The following TSHZ3 variants were observed in gnomAD, a reference collection of about 807,000 sequenced individuals.
The protein encoded by TSHZ3 is teashirt homolog 3.
Under a neutral mutation model 64.5 loss-of-function variants are expected in TSHZ3, and 10 were observed. The observed-to-expected ratio is 0.16, with a 90% CI of 0.10 to 0.26. The LOEUF is 0.26. TSHZ3 is among the 10% of genes least tolerant of loss of function. The pLI is 1.00. For missense variants in TSHZ3, 1,242 were observed against 1,421.7 expected, an observed-to-expected ratio of 0.87 and a Z score of 2.03; for synonymous variants, 608 against 593.1, an observed-to-expected ratio of 1.03 and a Z score of -0.36.
At chr19:31,314,519 T>C (rs1793855110) in intron 1 of TSHZ3, among the ~76,000 whole-genome samples, 3 of 152,330 alleles carry the variant, frequency 2.0e-5, no homozygotes, top group African/African-American at 4.8e-5. Context: ...GTGAATCATT[T>C]CTAATGACAG....
chr19:31,312,278 A>C (rs1378963494), intron 1 of TSHZ3, among the ~76,000 whole-genome samples: 1 of 152,262 alleles, frequency 6.6e-6, no homozygotes, highest in Non-Finnish European at 1.5e-5. Flanking sequence ...GCACAGAACC[A>C]CAAAAGAAGG....
rs140777504 is a variant in TSHZ3 at position 31,243,510 on chromosome 19, G to T, written n.64-635C>A. On this transcript the variant is annotated intron_variant and non_coding_transcript_variant, in intron 1 of 6. Coordinates refer to the TSHZ3 transcript ENST00000651361. Reference sequence around the variant, plus strand: ...TGCATGGTATCCTATATCATATAATGCCCTGAACTTTCCCGTGTCAGAGGG... The same window carrying T: ...TGCATGGTATCCTATATCATATAATTCCCTGAACTTTCCCGTGTCAGAGGG... 5.7e-3 allele frequency among the ~76,000 whole-genome samples: 862 copies of T among 152,258 alleles called. 5 individuals carry two copies. Among genetic ancestry groups the T allele is most frequent in the Non-Finnish European group, 9.9e-3 (674 of 68,022 alleles).
chr19:31,257,715 C>T (rs994271569), intron 1 of TSHZ3, among the ~76,000 whole-genome samples: 2 of 152,184 alleles, frequency 1.3e-5, no homozygotes, highest in African/African-American at 2.4e-5. Flanking sequence ...GGGGAAGACG[C>T]GAGGGGCTTG....
intron 4 of TSHZ3, among the ~76,000 whole-genome samples, chr19:31,216,552 A>C (rs913077603): frequency 4.3e-4 from 65 of 150,960 alleles, no homozygotes; most frequent in Non-Finnish European, 1.0e-4. Flanking sequence ...TGGCTCAAGC[A>C]GTTCTCCTGC....
chr19:31,200,954 A>G (rs1975075743), intron 5 of TSHZ3, among the ~76,000 whole-genome samples: 1 of 152,248 alleles, frequency 6.6e-6, no homozygotes, highest in African/African-American at 2.4e-5. Flanking sequence ...CAAATACCAC[A>G]TATTAAACTG....
At chr19:31,189,047 A>T (rs1329623092) in intron 5 of TSHZ3, among the ~76,000 whole-genome samples, 1 of 151,958 alleles carries the variant, frequency 6.6e-6, no homozygotes, top group Admixed American at 6.6e-5. Flanking sequence ...GTTGTTAAAT[A>T]TTAGATATAA....
In TSHZ3 at chr19:31,310,410, G is replaced by A. The variant is rs141914177; in HGVS notation, c.41-30658C>T. On this transcript the variant is annotated intron_variant, in intron 1 of 1. Coordinates refer to ENST00000240587, the MANE Select transcript of TSHZ3 (RefSeq NM_020856.4). Reference sequence around the variant, plus strand: ...TTCCTTTTCTTTTTGGTGCAGCACCGATCCTGTGCACTGGTGTCCAGGGTG... The same window carrying A: ...TTCCTTTTCTTTTTGGTGCAGCACCAATCCTGTGCACTGGTGTCCAGGGTG... Among the ~76,000 whole-genome samples, 375 of 152,234 alleles carry A rather than the reference G, an allele frequency of 2.5e-3. 4 individuals are homozygous for A. The South Asian group carries it at 0.039, about 16-fold the overall frequency.
At chr19:31,317,357 G>T (rs1235010248) in intron 1 of TSHZ3, among the ~76,000 whole-genome samples, 1 of 152,206 alleles carries the variant, frequency 6.6e-6, no homozygotes, top group Non-Finnish European at 1.5e-5. Context: ...ACATCGGGAC[G>T]ATGGGGATGC....
intron 5 of TSHZ3, among the ~76,000 whole-genome samples, chr19:31,158,851 T>A (rs1414924965): frequency 1.3e-5 from 2 of 152,082 alleles, no homozygotes; most frequent in East Asian, 3.9e-4. Context: ...GGTGCTCCTA[T>A]GAGAATCGAA....
chr19:31,195,306 A>G (rs1422765780), intron 5 of TSHZ3, among the ~76,000 whole-genome samples: 3 of 152,152 alleles, frequency 2.0e-5, no homozygotes, highest in Non-Finnish European at 4.4e-5. Flanking sequence ...TTCAAAATAC[A>G]GAAAATCAAA....
rs1389481904 is a variant in TSHZ3, at chr19:31,275,713, A to G, written c.*834T>C. On this transcript the variant is annotated 3_prime_UTR_variant, in exon 2 of 2. Transcript: ENST00000240587. Reference sequence around the variant, plus strand: ...AACTATCATACTTTGCTTTCAGATAATGTTTCTGTATACTTTATAAATGCT... The same window carrying G: ...AACTATCATACTTTGCTTTCAGATAGTGTTTCTGTATACTTTATAAATGCT... 1 of 152,414 alleles carries G rather than the reference A, an allele frequency of 6.6e-6. No individual in the cohort carries two copies. The highest frequency in any genetic ancestry group is 1.9e-4 in the East Asian group (1 of 5,194). 9.4% of individuals were successfully genotyped at this position (152,414 alleles called of 1,614,324 possible).
chr19:31,242,672 C>T (rs1233183040), intron 2 of TSHZ3, among the ~76,000 whole-genome samples: 1 of 152,044 alleles, frequency 6.6e-6, no homozygotes, highest in Non-Finnish European at 1.5e-5. Flanking sequence ...TGTCCAAAGG[C>T]AGCAGCAGAT....
chr19:31,295,651 C>T lies in TSHZ3; in HGVS notation c.41-15899G>A, dbSNP rs187608606. 5.1e-4 allele frequency among the ~76,000 whole-genome samples: 77 copies of T among 152,234 alleles called. No homozygotes were observed. The Middle Eastern group carries it at 0.014, about 27-fold the overall frequency. On this transcript the variant is annotated intron_variant, in intron 1 of 1. Coordinates refer to ENST00000240587, the MANE Select transcript of TSHZ3 (RefSeq NM_020856.4). ...GAAGGGCTGTGGAAATCCTGGAACA[C>T]GAAATGTTCTGCCTCTGGACCTGGG... is the stretch of plus-strand genomic sequence containing the variant.
chr19:31,269,211 G>T (rs1976099301), intron 1 of TSHZ3, among the ~76,000 whole-genome samples: 1 of 152,046 alleles, frequency 6.6e-6, no homozygotes. Context: ...CCAAGCAGAA[G>T]AACTCAAACA....
chr19:31,349,087 G>A (rs2021614134), intron 1 of TSHZ3, 93 bp downstream of exon 1: 2 of 1,465,838 alleles, frequency 1.4e-6, no homozygotes, highest in Admixed American at 2.1e-5. Flanking sequence ...GGGCAGAAGA[G>A]CGGGGCGAGG....
intron 6 of TSHZ3, among the ~76,000 whole-genome samples, chr19:31,151,947 C>T (rs1974245300): frequency 2.0e-5 from 3 of 152,134 alleles, no homozygotes; most frequent in Admixed American, 2.0e-4. Flanking sequence ...ATTATTCACA[C>T]ACACACAAAA....
At chr19:31,225,731 C>T (rs1975450910) in intron 4 of TSHZ3, among the ~76,000 whole-genome samples, 1 of 152,168 alleles carries the variant, frequency 6.6e-6, no homozygotes, top group African/African-American at 2.4e-5. Context: ...CCTTTGCTTA[C>T]AGTTTCCACT....
intron 1 of TSHZ3, among the ~76,000 whole-genome samples, chr19:31,296,583 G>A (rs929249652): frequency 3.0e-4 from 46 of 152,248 alleles, no homozygotes; most frequent in African/African-American, 1.0e-3. Flanking sequence ...TGATCTGCCC[G>A]CCTCAGCCTC....
chr19:31,250,788 A>T (rs1782262526), intron 1 of TSHZ3, among the ~76,000 whole-genome samples: 1 of 152,180 alleles, frequency 6.6e-6, no homozygotes, highest in South Asian at 2.1e-4. Context: ...CTTAGCACTG[A>T]GCCTGACACA....
Sources: gnomAD v4.1 joint callset for allele counts (sites outside exome capture counted in the v4.1 genomes callset) on GRCh38, gnomAD v4.1.1 for gene constraint, MANE v1.5 for transcripts, NCBI Gene and HGNC (gene_info 2026-07-23, HGNC 2026-07-21) for gene names.